FHDC1: variants seen among roughly 807,000 people sequenced by gnomAD.
The protein encoded by FHDC1 is FH2 domain containing 1.
A neutral mutation model predicts 52.6 loss-of-function variants in FHDC1; 25 were observed. The observed-to-expected ratio is 0.48, with a 90% CI of 0.35 to 0.66. The LOEUF is 0.66. Among genes scored for constraint, FHDC1 ranks in the 30% least tolerant of loss-of-function variants. FHDC1 has a pLI of 0.01. For synonymous variants in FHDC1, 616 were observed against 581.5 expected (o/e 1.06, Z -0.85); for missense variants, 1,459 against 1,452.8 (o/e 1.00, Z -0.07).
intron 2 of FHDC1, among the ~76,000 whole-genome samples, chr4:152,951,457 A>G (rs986667423): frequency 6.6e-6 from 1 of 151,964 alleles, no homozygotes; most frequent in African/African-American, 2.4e-5. Context: ...TTTTTACCTT[A>G]TGGCTGGCAG....
rs1478799282 is a variant in FHDC1 at position 152,976,065 on chromosome 4, G to C, written c.2774G>C (p.Arg925Pro). ...AGWRRPELSSRGPSQNPPSST... is the reference protein window; with the variant it reads ...AGWRRPELSSPGPSQNPPSST... ...TGGAGGCGACCAGAGCTGTCATCCC[G>C]GGGGCCCTCCCAGAATCCCCCCAGC... Residue 925 changes from arginine to proline, a missense_variant, in exon 12 of 12, where the codon CGG (arginine) becomes CCG (proline). By Grantham distance (103) the Arg-to-Pro change is moderately radical. This residue lies in a region of FHDC1 where 939 missense variants were observed against 854.5 expected (regional missense o/e 1.10). Transcript: ENST00000511601. 1 of 1,598,282 alleles carries C rather than the reference G, an allele frequency of 6.3e-7. No individual in the cohort carries two copies. The highest frequency in any genetic ancestry group is 2.2e-5 in the East Asian group (1 of 44,726).
chr4:152,960,909 A>G (rs1740261611), intron 6 of FHDC1, 65 bp downstream of exon 6: 3 of 1,213,648 alleles, frequency 2.5e-6, no homozygotes, highest in Non-Finnish European at 3.4e-6. Flanking sequence ...TTTTTTAAAA[A>G]AGCCAAATGA....
At chr4:152,920,853 T>TTA in the FHDC1 span, among the ~76,000 whole-genome samples, 1 of 147,828 alleles carries the variant, frequency 6.8e-6, no homozygotes, top group African/African-American at 2.5e-5. Context: ...AGTGTCTTTT[T>TTA]AAAAAAAAAA....
Position 152,974,812 on chromosome 4 carries a change from G to A in FHDC1, c.1521G>A (p.Leu507=), listed in dbSNP as rs777462096. Residue 507 remains leucine (L), a synonymous_variant, in exon 12 of 12, where the codon CTG becomes CTA. Transcript: ENST00000511601. ...RSSSENDVEL[L]TKKGAEGLLP... is the part of the protein sequence containing the mutation. ...GCAGTGAGAATGATGTGGAGCTGCT[G>A]ACCAAGAAGGGTGCAGAGGGCCTGC... The A allele has an allele frequency of 1.3e-6, 2 of 1,575,640 alleles. No homozygotes were observed. The highest frequency in any genetic ancestry group is 2.7e-5 in the African/African-American group (2 of 73,970).
At chr4:152,973,407 G>GCTCA (rs1452680427) in intron 11 of FHDC1, among the ~76,000 whole-genome samples, 1 of 152,232 alleles carries the variant, frequency 6.6e-6, no homozygotes, top group Non-Finnish European at 1.5e-5. Flanking sequence ...AGAGAAGGAG[G>GCTCA]CTCAGCCTGT....
the FHDC1 span, among the ~76,000 whole-genome samples, chr4:152,922,265 G>A: frequency 3.3e-5 from 5 of 152,138 alleles, no homozygotes; most frequent in East Asian, 7.7e-4. Context: ...AGAAGAAATG[G>A]ATAAATTCCT....
chr4:152,971,209 A>C (rs191997398), intron 10 of FHDC1, among the ~76,000 whole-genome samples: 1 of 152,132 alleles, frequency 6.6e-6, no homozygotes, highest in East Asian at 1.9e-4. Flanking sequence ...TTTAAATATT[A>C]ACTGGGTGTA....
chr4:152,958,669 G>A (rs1740184693), intron 4 of FHDC1, among the ~76,000 whole-genome samples: 1 of 152,140 alleles, frequency 6.6e-6, no homozygotes, highest in Admixed American at 6.5e-5. Context: ...CTACATATAT[G>A]GTCTTATACA....
rs774386957 is a variant in FHDC1, at chr4:152,975,573, A to T, written c.2282A>T (p.Asp761Val). 2 of 1,613,526 alleles carry T rather than the reference A, an allele frequency of 1.2e-6. No homozygotes were observed. The highest frequency in any genetic ancestry group is 4.5e-5 in the East Asian group (2 of 44,868). The change falls in exon 12 of 12, where the codon GAC becomes GTC. Residue 761 changes from aspartate to valine, a missense_variant. Transcript: ENST00000511601. ...SAALGSVGSS[D>V]PENKDPRPLF... ...GCTTTGGGATCTGTGGGTAGCAGCG[A>T]CCCTGAGAACAAAGATCCTAGACCT...
chr4:152,912,013 C>G, the FHDC1 span: 2 of 152,506 alleles, frequency 1.3e-5, no homozygotes, highest in African/African-American at 4.8e-5. Context: ...GTACTTCTGT[C>G]ACTTATAATT....
At chr4:152,944,407 C>T (rs1299625472) in intron 2 of FHDC1, among the ~76,000 whole-genome samples, 1 of 152,028 alleles carries the variant, frequency 6.6e-6, no homozygotes, top group Non-Finnish European at 1.5e-5. Flanking sequence ...ACAACAACAA[C>T]AACAACAACA....
chr4:152,974,778 G>A lies in FHDC1; in HGVS notation c.1487G>A (p.Gly496Asp), dbSNP rs1740786446. ...SWATGELGAF[G>D]RSSSENDVEL... ...GCAACTGGGGAGCTGGGGGCATTTG[G>A]CCGGAGCAGCAGTGAGAATGATGTG... Residue 496 changes from glycine to aspartate, a missense_variant, in exon 12 of 12, where the codon GGC (glycine) becomes GAC (aspartate). Around this residue, in one of 3 missense-constraint regions of FHDC1, gnomAD observed 7 missense variants for 16.8 expected, o/e 0.42. Transcript: ENST00000511601. The A allele has an allele frequency of 6.5e-7, 1 of 1,539,894 alleles. No homozygotes were observed. The highest frequency in any genetic ancestry group is 1.8e-4 in the Middle Eastern group (1 of 5,456).
chr4:152,950,153 CA>C (rs1291836501), intron 2 of FHDC1, among the ~76,000 whole-genome samples: 1 of 152,170 alleles, frequency 6.6e-6, no homozygotes. Context: ...GTGCAGATTC[CA>C]CTGCTCTGAA....
At chr4:152,971,472 T>C (rs1241921009) in intron 10 of FHDC1, among the ~76,000 whole-genome samples, 1 of 152,232 alleles carries the variant, frequency 6.6e-6, no homozygotes, top group African/African-American at 2.4e-5. Context: ...ATGTTGTCAC[T>C]GAACTGCCAT....
At chr4:152,950,665 A>T (rs1739898409) in intron 2 of FHDC1, among the ~76,000 whole-genome samples, 1 of 152,170 alleles carries the variant, frequency 6.6e-6, no homozygotes, top group South Asian at 2.1e-4. Flanking sequence ...GGAGAACATG[A>T]TTCCCATCTG....
intron 4 of FHDC1, among the ~76,000 whole-genome samples, chr4:152,958,344 T>C (rs1010673015): frequency 6.6e-6 from 1 of 152,138 alleles, no homozygotes; most frequent in African/African-American, 2.4e-5. Flanking sequence ...AATTATAGGG[T>C]CTGTTCACCT....
chr4:152,911,728 A>C, the FHDC1 span: 1 of 152,622 alleles, frequency 6.6e-6, no homozygotes. Flanking sequence ...TTGAGTGCTT[A>C]ATACAATGTA....
intron 1 of FHDC1, among the ~76,000 whole-genome samples, chr4:152,940,449 C>T (rs909048565): frequency 1.3e-5 from 2 of 152,230 alleles, no homozygotes; most frequent in African/African-American, 2.4e-5. Context: ...CTTTGACAGT[C>T]GTTTATCTGG....
the FHDC1 span, among the ~76,000 whole-genome samples, chr4:152,923,258 A>G: frequency 1.3e-5 from 2 of 152,374 alleles, no homozygotes; most frequent in South Asian, 4.1e-4. Context: ...CCCATTCACA[A>G]TTACTTCAAA....
Sources: allele counts gnomAD v4.1 joint callset (sites outside exome capture counted in the v4.1 genomes callset), GRCh38; gene constraint gnomAD v4.1.1; regional missense constraint gnomAD v4.1.1; transcripts MANE v1.5; gene names NCBI Gene and HGNC (gene_info 2026-07-23, HGNC 2026-07-21).